ATP5PB: variants seen among roughly 807,000 people sequenced by gnomAD.
ATP5PB encodes ATP synthase peripheral stalk-membrane subunit b, also known as ATP synthase peripheral stalk subunit b, mitochondrial.
Under a neutral mutation model 34.5 loss-of-function variants are expected in ATP5PB, and 21 were observed. That is an observed-to-expected ratio of 0.61 (90% confidence interval 0.43 to 0.88). The LOEUF is 0.88. ATP5PB is among the 40% of genes least tolerant of loss of function. The pLI, the probability that ATP5PB is intolerant of heterozygous loss-of-function variation, is 0.00. For missense variants in ATP5PB, 293 were observed against 317.4 expected, an observed-to-expected ratio of 0.92 and a Z score of 0.58; for synonymous variants, 108 against 114.1, an observed-to-expected ratio of 0.95 and a Z score of 0.34.
At chr1:111,455,126 A>G (rs1571376547) in intron 3 of ATP5PB, among the ~76,000 whole-genome samples, 1 of 152,042 alleles carries the variant, frequency 6.6e-6, no homozygotes, top group Non-Finnish European at 1.5e-5. Context: ...AAGTATTGCT[A>G]TGACTGGAAC....
chr1:111,454,921 G>A (rs1164365883), intron 3 of ATP5PB, among the ~76,000 whole-genome samples: 2 of 152,174 alleles, frequency 1.3e-5, no homozygotes, highest in African/African-American at 4.8e-5. Context: ...ATACAGTGTT[G>A]AACAGTGTTA....
At chr1:111,457,480 C>CT (rs1281691470) in intron 5 of ATP5PB, among the ~76,000 whole-genome samples, 4 of 152,066 alleles carry the variant, frequency 2.6e-5, no homozygotes, top group African/African-American at 9.7e-5. Context: ...GAGCCTTGTA[C>CT]TTTATGGCTA....
At chr1:111,460,131 T>C (rs1442219820) in intron 6 of ATP5PB, among the ~76,000 whole-genome samples, 2 of 152,302 alleles carry the variant, frequency 1.3e-5, no homozygotes, top group Non-Finnish European at 2.9e-5. Flanking sequence ...AGTATTGCAC[T>C]CCAGCCTGGG....
chr1:111,459,044 C>T (rs969175943), intron 5 of ATP5PB, among the ~76,000 whole-genome samples: 1 of 152,014 alleles, frequency 6.6e-6, no homozygotes, highest in African/African-American at 2.4e-5. Context: ...AATGTATGCA[C>T]CATTATTTGT....
At position 111,449,582 on chromosome 1, in the gene ATP5PB, G is replaced by A. The variant is rs1653245499; in HGVS notation, c.40+1G>A. ...GTACTTTCCGCCGCCGCCACAGCGG[G>A]TAAGGGGTATAGACCCTGCTCTGGA... On this transcript the variant is annotated splice_donor_variant, in intron 1 of 6. Transcript: ENST00000369722. LOFTEE classifies it high-confidence loss of function. 1 of 1,607,354 alleles carries A rather than the reference G, an allele frequency of 6.2e-7. No homozygotes were observed. Among genetic ancestry groups the A allele is most frequent in the African/African-American group, 1.3e-5 (1 of 74,694 alleles).
chr1:111,460,748 G>A (rs1653597765), intron 6 of ATP5PB, among the ~76,000 whole-genome samples, 169 bp from the exon 7 acceptor site: 1 of 152,106 alleles, frequency 6.6e-6, no homozygotes, highest in Admixed American at 6.5e-5. Flanking sequence ...TCTCCTCTGT[G>A]TTAATTAATT....
Position 111,449,984 on chromosome 1 carries a change from T to C in ATP5PB, c.77+111T>C, listed in dbSNP as rs1333936157. On this transcript the variant is annotated intron_variant, in intron 2 of 6. Coordinates refer to ENST00000369722, the MANE Select transcript of ATP5PB (RefSeq NM_001688.5). ...GTCAGAAATTTCTTTCCGATAATTT[T>C]GGGACACTTAAACCCTCTTTCAGAC... 2.8e-6 allele frequency: 4 copies of C among 1,413,768 alleles called. No homozygotes were observed. In the African/African-American group the frequency reaches 5.7e-5, roughly 20 times the overall value. The allele number at this position is 1,413,768 out of a possible 1,614,324, so 87.6% of individuals were successfully genotyped here. A position where few individuals can be genotyped will look rare whatever the true frequency, so the allele number is the denominator to read the frequency against.
intron 5 of ATP5PB, 67 bp from the exon 6 acceptor site, chr1:111,459,390 A>C: frequency 1.4e-6 from 2 of 1,430,110 alleles, no homozygotes; most frequent in Non-Finnish European, 1.9e-6. Flanking sequence ...CACTGGCAGA[A>C]TCTTCAGAGT....
chr1:111,456,331 A>AGG, intron 4 of ATP5PB, 82 bp downstream of exon 4: 1 of 1,365,236 alleles, frequency 7.3e-7, no homozygotes, highest in Non-Finnish European at 9.8e-7. Context: ...TATGAGTGTT[A>AGG]GGGGAGCAAC....
chr1:111,456,423 CTT>C (rs1250056668), intron 4 of ATP5PB, among the ~76,000 whole-genome samples, 174 bp downstream of exon 4: 4 of 152,300 alleles, frequency 2.6e-5, no homozygotes, highest in Middle Eastern at 3.4e-3. Flanking sequence ...CTACTAAACA[CTT>C]TAGCTTTTCT....
intron 5 of ATP5PB, among the ~76,000 whole-genome samples, chr1:111,457,321 A>ACACG (rs1355812529): frequency 2.0e-5 from 3 of 151,898 alleles, no homozygotes; most frequent in Non-Finnish European, 4.4e-5. Flanking sequence ...AAACACACAC[A>ACACG]CACACACACA....
Position 111,459,511 on chromosome 1 carries a change from T to C in ATP5PB, c.568T>C (p.Tyr190His), listed in dbSNP as rs1350823618. The change falls in exon 6 of 7, where the codon TAT becomes CAT. Residue 190 changes from tyrosine to histidine, a missense_variant. Tyr to His is a moderately conservative substitution (Grantham distance 83, BLOSUM62 2). Transcript: ENST00000369722. ...TTACCGGGAACGACTGTATAGAGTA[T>C]ATAAGGAAGTAAAGAATCGCCTGGA... ...VTYRERLYRV[Y>H]KEVKNRLDYH... 1.2e-6 allele frequency: 2 copies of C among 1,613,900 alleles called. No individual in the cohort carries two copies. Among genetic ancestry groups the C allele is most frequent in the Admixed American group, 3.3e-5 (2 of 60,006 alleles).
chr1:111,456,612 T>G lies in ATP5PB; in HGVS notation c.388-18T>G, dbSNP rs780966048. ...TTTGTGCTTTCACTGATCTTTGTTG[T>G]TGCTATCACAATTGTAGCAAAAACT... On this transcript the variant is annotated intron_variant, in intron 4 of 6. Transcript: ENST00000369722. 3.1e-6 allele frequency: 5 copies of G among 1,608,930 alleles called. No individual in the cohort carries two copies. Among genetic ancestry groups the G allele is most frequent in the Non-Finnish European group, 4.2e-6 (5 of 1,178,610 alleles).
intron 4 of ATP5PB, 93 bp downstream of exon 4, chr1:111,456,342 A>T: frequency 7.6e-7 from 1 of 1,310,792 alleles, no homozygotes; most frequent in Non-Finnish European, 1.0e-6. Flanking sequence ...GGGGAGCAAC[A>T]TATAGAAATG....
At chr1:111,459,766 G>A (rs1653567379) in intron 6 of ATP5PB, 130 bp downstream of exon 6, 1 of 967,890 alleles carries the variant, frequency 1.0e-6, no homozygotes. Context: ...ACCCCGGTTT[G>A]TTTTTCTGGA....
chr1:111,454,182 C>G, intron 2 of ATP5PB, 29 bp from the exon 3 acceptor site: 1 of 1,534,334 alleles, frequency 6.5e-7, no homozygotes, highest in Non-Finnish European at 8.7e-7. Flanking sequence ...AAGAAACAGG[C>G]TTTACATTTG....
intron 4 of ATP5PB, 70 bp from the exon 5 acceptor site, chr1:111,456,560 C>T: frequency 6.5e-7 from 1 of 1,545,032 alleles, no homozygotes; most frequent in Non-Finnish European, 8.7e-7. Context: ...TTTGAAGAAG[C>T]ATGAAATGAA....
rs1039808066 is a variant in ATP5PB, at chr1:111,453,551, A to G, written c.78-660A>G. On this transcript the variant is annotated intron_variant, in intron 2 of 6. Coordinates refer to ENST00000369722, the MANE Select transcript of ATP5PB (RefSeq NM_001688.5). ...GAATGGATTGAGGTTCCAAGAATGTATGTATCATCTCAATTCAAAGATGAA... is the reference window on the plus strand; with the variant it reads ...GAATGGATTGAGGTTCCAAGAATGTGTGTATCATCTCAATTCAAAGATGAA... 1.3e-4 allele frequency among the ~76,000 whole-genome samples: 20 copies of G among 152,320 alleles called. No homozygotes were observed. In the South Asian group the frequency reaches 1.5e-3, roughly 11 times the overall value.
rs1206293818 is a variant in ATP5PB at position 111,461,893 on chromosome 1, T to TC, written c.*901dup. On this transcript the variant is annotated 3_prime_UTR_variant, in exon 7 of 7. Transcript: ENST00000369722. ...TCCAGCCTGGGCAACAGACCTCGAC[T>TC]CCATCTAGAAAAAAAAAAAAAAAAA... 1 of 131,932 alleles carries TC rather than the reference T, an allele frequency of 7.6e-6. No homozygotes were observed. The highest frequency in any genetic ancestry group is 1.6e-5 in the Non-Finnish European group (1 of 62,614). The allele number at this position is 131,932 out of a possible 1,614,324, so 8.2% of individuals were successfully genotyped here.
Sources: gnomAD v4.1 joint callset for allele counts (sites outside exome capture counted in the v4.1 genomes callset) on GRCh38, gnomAD v4.1.1 for gene constraint, MANE v1.5 for transcripts, NCBI Gene and HGNC (gene_info 2026-07-23, HGNC 2026-07-21) for gene names.